The following SSH2 variants were observed in gnomAD, a reference collection of about 807,000 sequenced individuals.
SSH2 encodes protein phosphatase Slingshot homolog 2.
SSH2 carries 37 observed loss-of-function variants against 135.2 expected under a neutral mutation model. That is an observed-to-expected ratio of 0.27 (90% CI 0.21 to 0.36). The LOEUF (loss-of-function observed/expected upper bound fraction) is 0.36. SSH2 is among the 10% of genes least tolerant of loss of function. The probability of loss-of-function intolerance (pLI) is 1.00; values close to 1 mark genes in which losing one functional copy is unlikely to be tolerated. For synonymous variants in SSH2, 628 were observed against 646.2 expected (o/e 0.97, Z 0.43); for missense variants, 1,408 against 1,765.3 (o/e 0.80, Z 3.63).
chr17:29,629,620 A>G lies in SSH2; in HGVS notation c.*1221T>C, dbSNP rs1491003039. On this transcript the variant is annotated 3_prime_UTR_variant, in exon 16 of 16. Transcript: ENST00000540801. The stretch of plus-strand genomic sequence containing the variant: ...AAAGAATAAATCAAAATTACCCTAC[A>G]ACATGAACAAGACACTAAGACAGTG... The G allele has an allele frequency of 1.3e-5, 2 of 152,652 alleles. No individual in the cohort carries two copies. Among genetic ancestry groups the G allele is most frequent in the Non-Finnish European group, 1.5e-5 (1 of 68,038 alleles). The allele number at this position is 152,652 out of a possible 1,614,324, so 9.5% of individuals were successfully genotyped here.
rs778363202 is a variant in SSH2 at position 29,650,713 on chromosome 17, T to G, written c.1167A>C (p.Glu389Asp). The G allele has an allele frequency of 1.2e-6, 2 of 1,613,910 alleles. No individual in the cohort carries two copies. Among genetic ancestry groups the G allele is most frequent in the Non-Finnish European group, 1.7e-6 (2 of 1,179,982 alleles). The change falls in exon 13 of 16, where the codon GAA becomes GAC. Residue 389 changes from glutamate (E) to aspartate (D), a missense_variant. Physicochemically the swap from Glu to Asp is conservative, Grantham distance 45. Coordinates refer to ENST00000540801, the MANE Select transcript of SSH2 (RefSeq NM_001282129.2). The stretch of plus-strand genomic sequence containing the variant: ...AGTACGCCAGGAGATCCGTTGCCTC[T>G]TCATCATATACCCGAATGTTATGAT... ...FEYHNIRVYD[E>D]EATDLLAYWN...
intron 3 of SSH2, among the ~76,000 whole-genome samples, chr17:29,714,312 T>C (rs1283601239): frequency 1.3e-5 from 2 of 151,726 alleles, no homozygotes; most frequent in Non-Finnish European, 2.9e-5. Context: ...GAAAAACTGT[T>C]CAGCATTTAA....
At chr17:29,910,351 G>T (rs1168824510) in intron 1 of SSH2, among the ~76,000 whole-genome samples, 2 of 152,000 alleles carry the variant, frequency 1.3e-5, no homozygotes, top group African/African-American at 2.4e-5. Flanking sequence ...TTTAAGAAAA[G>T]GAAGGCCCTA....
At chr17:29,795,914 G>C (rs754742839) in intron 2 of SSH2, among the ~76,000 whole-genome samples, 9 of 152,062 alleles carry the variant, frequency 5.9e-5, no homozygotes, top group Non-Finnish European at 8.8e-5. Context: ...GCTAATTTTT[G>C]TATTTTTTAG....
At chr17:29,741,799 A>G (rs1275546871) in intron 3 of SSH2, among the ~76,000 whole-genome samples, 1 of 151,810 alleles carries the variant, frequency 6.6e-6, no homozygotes, top group African/African-American at 2.4e-5. Flanking sequence ...TATTTTTGGT[A>G]GAGACGGGGT....
intron 6 of SSH2, among the ~76,000 whole-genome samples, chr17:29,678,871 T>C (rs1385518209): frequency 6.6e-6 from 1 of 151,944 alleles, no homozygotes; most frequent in Non-Finnish European, 1.5e-5. Context: ...TGTGCCACCA[T>C]GCCCGGCTAA....
chr17:29,668,172 G>C lies in SSH2; in HGVS notation c.810-949C>G, dbSNP rs2037353413. 2.0e-5 allele frequency among the ~76,000 whole-genome samples: 3 copies of C among 152,184 alleles called. No individual in the cohort carries two copies. In the South Asian group the frequency reaches 6.2e-4, roughly 32 times the overall value. ...TTCAGGCATCCTGCCTGCCCTTGCTGCCTACAGCCTTATCACTGGTTGCAA... is the reference window on the plus strand; with the variant it reads ...TTCAGGCATCCTGCCTGCCCTTGCTCCCTACAGCCTTATCACTGGTTGCAA... On this transcript the variant is annotated intron_variant, in intron 9 of 15. Transcript: ENST00000540801.
chr17:29,701,354 G>A (rs896619696), intron 4 of SSH2, among the ~76,000 whole-genome samples: 1 of 150,680 alleles, frequency 6.6e-6, no homozygotes, highest in Non-Finnish European at 1.5e-5. Context: ...TGATCCACCT[G>A]CCTCGGCCTC....
At chr17:29,761,566 T>C in intron 3 of SSH2, 1 of 384,974 alleles carries the variant, frequency 2.6e-6, no homozygotes, top group Non-Finnish European at 3.6e-6. Context: ...GCAGCGCGCG[T>C]CACAGCCTTT....
At chr17:29,704,587 T>C (rs576017045) in intron 3 of SSH2, among the ~76,000 whole-genome samples, 19 of 151,512 alleles carry the variant, frequency 1.3e-4, no homozygotes, top group Middle Eastern at 3.4e-3. Flanking sequence ...CCTGTAGTCC[T>C]AGCTATTCAG....
chr17:29,671,649 T>C (rs1340137040), intron 9 of SSH2, among the ~76,000 whole-genome samples: 1 of 152,234 alleles, frequency 6.6e-6, no homozygotes, highest in Admixed American at 6.5e-5. Flanking sequence ...CCAACTCCTT[T>C]AAACTCAAAT....
intron 11 of SSH2, among the ~76,000 whole-genome samples, chr17:29,664,188 ATAATGAAATCCCGT>A (rs1243519411): frequency 6.6e-6 from 1 of 152,210 alleles, no homozygotes; most frequent in Non-Finnish European, 1.5e-5. Context: ...TCTGGCCGAC[ATAATGAAATCCCGT>A]CTCTACTAAA....
chr17:29,743,797 G>GTTATGAATTTAAT (rs2040651991), intron 3 of SSH2, among the ~76,000 whole-genome samples: 1 of 151,482 alleles, frequency 6.6e-6, no homozygotes, highest in African/African-American at 2.4e-5. Flanking sequence ...AAATTCATTT[G>GTTATGAATTTAAT]GTTAGAATCA....
At chr17:29,904,521 T>C (rs534841030) in intron 1 of SSH2, among the ~76,000 whole-genome samples, 1 of 152,174 alleles carries the variant, frequency 6.6e-6, no homozygotes, top group Non-Finnish European at 1.5e-5. Flanking sequence ...AAGAGCCATA[T>C]ATGACAAATC....
At chr17:29,704,649 G>A (rs937548316) in intron 3 of SSH2, among the ~76,000 whole-genome samples, 20 of 144,262 alleles carry the variant, frequency 1.4e-4, no homozygotes, top group African/African-American at 5.1e-4. Flanking sequence ...ATTATAGTGA[G>A]TTATGATGGC....
At chr17:29,888,931 C>CAAAAAAAAA (rs1175371440) in intron 1 of SSH2, among the ~76,000 whole-genome samples, 8 of 42,080 alleles carry the variant, frequency 1.9e-4, no homozygotes, top group African/African-American at 2.4e-4. Flanking sequence ...GACACTATCT[C>CAAAAAAAAA]AAAAAAAAAA....
At chr17:29,867,429 G>A (rs919306688) in intron 1 of SSH2, among the ~76,000 whole-genome samples, 15 of 152,136 alleles carry the variant, frequency 9.9e-5, no homozygotes, top group Admixed American at 2.6e-4. Context: ...AAAAAAATCT[G>A]TGTAGCTTGA....
intron 3 of SSH2, chr17:29,761,431 C>T: frequency 9.9e-7 from 1 of 1,008,748 alleles, no homozygotes; most frequent in Non-Finnish European, 1.2e-6. Context: ...AGAGTCCGGA[C>T]TGACGGGCGT....
In SSH2 at chr17:29,630,631, T is replaced by C; in HGVS notation, c.*210A>G. On this transcript the variant is annotated 3_prime_UTR_variant, in exon 16 of 16. Transcript: ENST00000540801. Reference sequence around the variant, plus strand: ...TTTGATTTTTTTAAATAAAAAATGATAAACGGTCTTGCCATCCAGATCAAT... The same window carrying C: ...TTTGATTTTTTTAAATAAAAAATGACAAACGGTCTTGCCATCCAGATCAAT... 2.5e-6 allele frequency: 1 copy of C among 394,130 alleles called. No homozygotes were observed. Among genetic ancestry groups the C allele is most frequent in the East Asian group, 3.8e-5 (1 of 25,984 alleles). The allele number at this position is 394,130 out of a possible 1,614,324, so 24.4% of individuals were successfully genotyped here. A position where few individuals can be genotyped will look rare whatever the true frequency, so the allele number is the denominator to read the frequency against.
Sources: allele counts gnomAD v4.1 joint callset (sites outside exome capture counted in the v4.1 genomes callset), GRCh38; gene constraint gnomAD v4.1.1; transcripts MANE v1.5; gene names NCBI Gene and HGNC (gene_info 2026-07-23, HGNC 2026-07-21).